Variants in FSTL5 observed in about 807,000 individuals in gnomAD.
The protein encoded by FSTL5 is follistatin-related protein 5.
FSTL5 carries 62 observed loss-of-function variants against 89.1 expected under a neutral mutation model. The observed-to-expected ratio is 0.70, with a 90% CI of 0.57 to 0.86. The LOEUF is 0.86. Ranked by LOEUF, FSTL5 falls within the 40% of genes least tolerant of loss-of-function variation. FSTL5 has a pLI of 0.00. For synonymous variants in FSTL5, 383 were observed against 346.2 expected, an observed-to-expected ratio of 1.11 and a Z score of -1.18; for missense variants, 1,057 against 1,001.6, an observed-to-expected ratio of 1.06 and a Z score of -0.75.
At chr4:161,757,301 T>C (rs1007018090) in intron 6 of FSTL5, among the ~76,000 whole-genome samples, 2 of 152,154 alleles carry the variant, frequency 1.3e-5, no homozygotes, top group Admixed American at 1.3e-4. Flanking sequence ...TAATATTTTG[T>C]AGGCTTTGTA....
chr4:162,031,253 T>A (rs1377960156), intron 3 of FSTL5, among the ~76,000 whole-genome samples: 1 of 152,168 alleles, frequency 6.6e-6, no homozygotes, highest in Non-Finnish European at 1.5e-5. Flanking sequence ...CTTCTAGACA[T>A]ACTCCTGACA....
At chr4:161,861,491 A>G (rs531399696) in intron 4 of FSTL5, among the ~76,000 whole-genome samples, 1 of 152,166 alleles carries the variant, frequency 6.6e-6, no homozygotes, top group East Asian at 1.9e-4. Flanking sequence ...GAAAGGAAGG[A>G]AGGAGGGAAG....
intron 3 of FSTL5, among the ~76,000 whole-genome samples, chr4:161,946,264 T>C (rs1734731688): frequency 6.6e-6 from 1 of 152,206 alleles, no homozygotes; most frequent in South Asian, 2.1e-4. Flanking sequence ...GTCATAGTGA[T>C]TAATTTTGTA....
intron 13 of FSTL5, among the ~76,000 whole-genome samples, chr4:161,469,255 C>A (rs1733847795): frequency 1.3e-5 from 2 of 152,152 alleles, no homozygotes; most frequent in Non-Finnish European, 2.9e-5. Flanking sequence ...TTCAGAATTT[C>A]TTTCCCTTGT....
chr4:161,593,717 C>G (rs1372009166), intron 7 of FSTL5, among the ~76,000 whole-genome samples: 1 of 152,016 alleles, frequency 6.6e-6, no homozygotes, highest in African/African-American at 2.4e-5. Context: ...TCAATCATAC[C>G]ACATTTCTAC....
At chr4:161,538,044 A>T (rs967689438) in intron 10 of FSTL5, 122 bp downstream of exon 10, 1 of 854,024 alleles carries the variant, frequency 1.2e-6, no homozygotes, top group Non-Finnish European at 1.8e-6. Context: ...TACGTATAAA[A>T]TCTATTTGTT....
At chr4:162,065,329 ATAAG>A (rs762285309) in intron 2 of FSTL5, among the ~76,000 whole-genome samples, 1 of 152,008 alleles carries the variant, frequency 6.6e-6, no homozygotes, top group Non-Finnish European at 1.5e-5. Flanking sequence ...ACCAAAATGT[ATAAG>A]TAACTCACAA....
intron 3 of FSTL5, among the ~76,000 whole-genome samples, chr4:162,026,565 C>T (rs1737303289): frequency 6.6e-6 from 1 of 151,856 alleles, no homozygotes; most frequent in Non-Finnish European, 1.5e-5. Flanking sequence ...GCCTTGGCTT[C>T]CCAAAGTGCT....
intron 2 of FSTL5, among the ~76,000 whole-genome samples, chr4:162,092,341 A>C (rs1730581550): frequency 6.6e-6 from 1 of 152,186 alleles, no homozygotes; most frequent in Non-Finnish European, 1.5e-5. Context: ...TTAAATCATT[A>C]AAAAGAAACA....
intron 8 of FSTL5, among the ~76,000 whole-genome samples, chr4:161,553,545 T>C (rs1193150070): frequency 6.6e-6 from 1 of 151,386 alleles, no homozygotes; most frequent in Non-Finnish European, 1.5e-5. Context: ...CTCTTTTCTA[T>C]ATTACACATC....
At chr4:161,978,823 T>C (rs903886238) in intron 3 of FSTL5, among the ~76,000 whole-genome samples, 6 of 152,124 alleles carry the variant, frequency 3.9e-5, no homozygotes, top group African/African-American at 1.4e-4. Context: ...TTAATTATTT[T>C]GGGGCAAGAT....
intron 11 of FSTL5, among the ~76,000 whole-genome samples, chr4:161,509,927 T>C (rs1242413419): frequency 6.6e-6 from 1 of 152,142 alleles, no homozygotes; most frequent in Non-Finnish European, 1.5e-5. Context: ...ATACTCCTTT[T>C]TGAGATAAGA....
intron 3 of FSTL5, among the ~76,000 whole-genome samples, chr4:161,943,300 G>C (rs1042437728): frequency 2.0e-5 from 3 of 151,710 alleles, no homozygotes; most frequent in Admixed American, 6.6e-5. Context: ...TATTTTGATA[G>C]TTTCAATGCT....
chr4:161,528,686 C>T lies in FSTL5; in HGVS notation c.1312+9480G>A, dbSNP rs1560939280. 2.1e-5 allele frequency among the ~76,000 whole-genome samples: 3 copies of T among 143,188 alleles called. 1 individual carries two copies. The highest frequency in any genetic ancestry group is 4.8e-4 in the East Asian group (2 of 4,164). The allele number at this position is 143,188 out of a possible 152,430, so 93.9% of individuals were successfully genotyped here. On this transcript the variant is annotated intron_variant, in intron 10 of 15. Transcript: ENST00000306100. ...ATTTATGCCATTATCTGACCGAATT[C>T]CTGCAACAGAGAACACTAAGAGAAT...
At chr4:161,556,809 GGT>G (rs1560952038) in intron 8 of FSTL5, among the ~76,000 whole-genome samples, 4 of 138,318 alleles carry the variant, frequency 2.9e-5, no homozygotes, top group African/African-American at 1.0e-4. Flanking sequence ...CGTATTTCTC[GGT>G]AAAAGATTAT....
At chr4:161,612,078 G>C (rs1734675547) in intron 7 of FSTL5, among the ~76,000 whole-genome samples, 1 of 152,186 alleles carries the variant, frequency 6.6e-6, no homozygotes, top group Non-Finnish European at 1.5e-5. Flanking sequence ...AGAGAAAAGA[G>C]TTTCTTCACA....
At chr4:161,661,116 G>A (rs1032962816) in intron 6 of FSTL5, among the ~76,000 whole-genome samples, 16 of 151,998 alleles carry the variant, frequency 1.1e-4, no homozygotes, top group African/African-American at 2.4e-4. Context: ...TAGAAAAAAC[G>A]AAATATTATG....
intron 7 of FSTL5, among the ~76,000 whole-genome samples, chr4:161,650,088 C>T (rs1736283526): frequency 6.6e-6 from 1 of 152,082 alleles, no homozygotes; most frequent in Non-Finnish European, 1.5e-5. Context: ...CTAATTTTCC[C>T]CCAATCTATT....
intron 4 of FSTL5, among the ~76,000 whole-genome samples, chr4:161,802,156 A>T (rs933995001): frequency 5.9e-5 from 9 of 151,684 alleles, no homozygotes; most frequent in African/African-American, 1.7e-4. Flanking sequence ...CTTCACATGT[A>T]CCTGAAGATG....
Sources: gnomAD v4.1 joint callset for allele counts (sites outside exome capture counted in the v4.1 genomes callset) on GRCh38, gnomAD v4.1.1 for gene constraint, MANE v1.5 for transcripts, NCBI Gene and HGNC (gene_info 2026-07-23, HGNC 2026-07-21) for gene names.